Variants in LAMA2 observed in about 807,000 individuals in gnomAD.
LAMA2 encodes laminin subunit alpha 2, also known as laminin subunit alpha-2.
A neutral mutation model predicts 364.8 loss-of-function variants in LAMA2; 269 were observed. That is an observed-to-expected ratio of 0.74 (90% confidence interval 0.67 to 0.82). The LOEUF (loss-of-function observed/expected upper bound fraction) is 0.82. Ranked by LOEUF, LAMA2 falls within the 40% of genes least tolerant of loss-of-function variation. The probability of loss-of-function intolerance (pLI) is 0.00; values close to 1 mark genes in which losing one functional copy is unlikely to be tolerated. For synonymous variants in LAMA2, 1,379 were observed against 1,370.6 expected, an observed-to-expected ratio of 1.01 and a Z score of -0.14; for missense variants, 3,807 against 3,873.2, an observed-to-expected ratio of 0.98 and a Z score of 0.45.
chr6:129,357,373 A>G (rs1777205818), intron 32 of LAMA2, among the ~76,000 whole-genome samples: 1 of 152,074 alleles, frequency 6.6e-6, no homozygotes, highest in Admixed American at 6.6e-5. Context: ...GCAAGATATT[A>G]CTTCATAAAA....
At position 128,929,329 on chromosome 6, in the gene LAMA2, A is replaced by G. The variant is rs1384626877; in HGVS notation, c.112+45972A>G. ...ACAGCTCACTCTCACAGAGCCAAGT[A>G]CACGGCCCAAAGACTGGGGTGAGAC... On this transcript the variant is annotated intron_variant, in intron 1 of 64. Transcript: ENST00000421865. 4 of 1,164,448 alleles carry G rather than the reference A, an allele frequency of 3.4e-6. No individual in the cohort carries two copies. The African/African-American group carries it at 4.6e-5, about 13-fold the overall frequency. The allele number at this position is 1,164,448 out of a possible 1,614,324, so 72.1% of individuals were successfully genotyped here.
chr6:128,926,974 T>C (rs1158591723), intron 1 of LAMA2, among the ~76,000 whole-genome samples: 2 of 152,340 alleles, frequency 1.3e-5, no homozygotes, highest in East Asian at 1.9e-4. Context: ...ACATTCATCC[T>C]CTAAGGTATA....
At chr6:129,223,138 C>A (rs933613919) in intron 12 of LAMA2, among the ~76,000 whole-genome samples, 3 of 152,174 alleles carry the variant, frequency 2.0e-5, no homozygotes, top group Non-Finnish European at 4.4e-5. Context: ...GCATCAGTGT[C>A]TTCTTTTGAG....
chr6:129,214,917 C>A (rs74920059), intron 12 of LAMA2, among the ~76,000 whole-genome samples: 8,948 of 152,166 alleles, frequency 0.059, 307 homozygotes, highest in Non-Finnish European at 0.069. Flanking sequence ...TGGAATACCT[C>A]TCCATTTATT....
At chr6:129,032,842 A>T (rs1317699353) in intron 1 of LAMA2, among the ~76,000 whole-genome samples, 1 of 151,874 alleles carries the variant, frequency 6.6e-6, no homozygotes, top group Non-Finnish European at 1.5e-5. Context: ...ATCAATAACG[A>T]CTCCCGGTTT....
At chr6:129,179,150 C>A (rs1226136186) in intron 10 of LAMA2, among the ~76,000 whole-genome samples, 1 of 151,966 alleles carries the variant, frequency 6.6e-6, no homozygotes, top group Non-Finnish European at 1.5e-5. Context: ...CCTCCCCTCT[C>A]CATCTTGTAT....
chr6:129,287,512 T>C (rs777303635), intron 18 of LAMA2, among the ~76,000 whole-genome samples: 8 of 152,198 alleles, frequency 5.3e-5, no homozygotes, highest in Non-Finnish European at 1.0e-4. Flanking sequence ...AGACATATGA[T>C]GTGTTGTACT....
chr6:129,106,545 G>A (rs561104185), intron 4 of LAMA2, among the ~76,000 whole-genome samples: 1 of 151,872 alleles, frequency 6.6e-6, no homozygotes, highest in Non-Finnish European at 1.5e-5. Flanking sequence ...GGGGTTTCAG[G>A]CTTCCTTTCT....
At chr6:129,227,117 T>A (rs182517508) in intron 12 of LAMA2, among the ~76,000 whole-genome samples, 140 of 152,342 alleles carry the variant, frequency 9.2e-4, no homozygotes, top group Admixed American at 1.6e-3. Context: ...TTCCAGTTGA[T>A]CGAATCAGCT....
At chr6:128,917,031 C>T (rs1457809518) in intron 1 of LAMA2, among the ~76,000 whole-genome samples, 2 of 151,804 alleles carry the variant, frequency 1.3e-5, no homozygotes, top group Non-Finnish European at 2.9e-5. Context: ...TCCACCATAT[C>T]TACCTTGATC....
intron 14 of LAMA2, among the ~76,000 whole-genome samples, chr6:129,259,766 T>G (rs1786992241): frequency 6.6e-6 from 1 of 152,070 alleles, no homozygotes; most frequent in Non-Finnish European, 1.5e-5. Flanking sequence ...ATTATCTCCA[T>G]TGTATAGAAG....
chr6:129,028,589 A>G (rs1373593156), intron 1 of LAMA2, among the ~76,000 whole-genome samples: 1 of 151,878 alleles, frequency 6.6e-6, no homozygotes, highest in Non-Finnish European at 1.5e-5. Context: ...GCAAATATAT[A>G]GAATTCTAAA....
At position 129,252,186 on chromosome 6, in the gene LAMA2, C is replaced by T; in HGVS notation, c.1987C>T (p.His663Tyr). Residue 663 changes from histidine to tyrosine, a missense_variant, in exon 14 of 65, where the codon CAT (histidine) becomes TAT (tyrosine). By Grantham distance (83) the His-to-Tyr change is moderately conservative. Around this residue, in one of 3 missense-constraint regions of LAMA2, gnomAD observed 3,333 missense variants for 3,345.7 expected, o/e 1.00. Coordinates refer to ENST00000421865, the MANE Select transcript of LAMA2 (RefSeq NM_000426.4). ...ACTTAAAGAAGAATCATTTACCATACATGGCACACATTTTCCAGTCCGTAG... is the reference window on the plus strand; with the variant it reads ...ACTTAAAGAAGAATCATTTACCATATATGGCACACATTTTCCAGTCCGTAG... The part of the protein sequence containing the change: ...LLLKEESFTI[H>Y]GTHFPVRRKE... The T allele has an allele frequency of 1.2e-6, 2 of 1,613,378 alleles. No homozygotes were observed. The highest frequency in any genetic ancestry group is 1.7e-6 in the Non-Finnish European group (2 of 1,179,354).
At position 129,479,109 on chromosome 6, in the gene LAMA2, TC is replaced by T. The variant is rs1428126268; in HGVS notation, c.7572+298del. On this transcript the variant is annotated intron_variant, in intron 54 of 64. Coordinates refer to ENST00000421865, the MANE Select transcript of LAMA2 (RefSeq NM_000426.4). ...TTTTTCCAACACTACTTTTCCCTTT[TC>T]CTTATTTTTGTCATCCATTTTAAAT... Among the ~76,000 whole-genome samples, 4 of 152,194 alleles carry T rather than the reference TC, an allele frequency of 2.6e-5. No individual in the cohort carries two copies. The South Asian group carries it at 8.3e-4, about 31-fold the overall frequency.
intron 62 of LAMA2, among the ~76,000 whole-genome samples, chr6:129,510,662 A>C (rs988751691): frequency 6.6e-6 from 1 of 152,110 alleles, no homozygotes; most frequent in African/African-American, 2.4e-5. Context: ...AAAAAAGCAC[A>C]GTTCTGTAGA....
intron 45 of LAMA2, among the ~76,000 whole-genome samples, chr6:129,448,955 A>G (rs916222129): frequency 3.9e-5 from 6 of 152,212 alleles, no homozygotes; most frequent in Non-Finnish European, 7.3e-5. Context: ...GAGATATAGT[A>G]TTTTGATTTA....
chr6:128,959,531 G>A (rs1207231522), intron 1 of LAMA2, among the ~76,000 whole-genome samples: 2 of 152,096 alleles, frequency 1.3e-5, no homozygotes, highest in Admixed American at 6.5e-5. Flanking sequence ...CTTGAGGACT[G>A]AAGTGTGTTT....
At chr6:129,386,507 A>C (rs920701421) in intron 35 of LAMA2, among the ~76,000 whole-genome samples, 1 of 152,122 alleles carries the variant, frequency 6.6e-6, no homozygotes, top group African/African-American at 2.4e-5. Flanking sequence ...GAAATGGAAA[A>C]TGACAGCATT....
At chr6:129,122,560 C>T (rs183779074) in intron 4 of LAMA2, among the ~76,000 whole-genome samples, 1 of 152,256 alleles carries the variant, frequency 6.6e-6, no homozygotes, top group Admixed American at 6.5e-5. Context: ...TGAAGTTTAC[C>T]ATCTGATTTT....
Sources: allele counts gnomAD v4.1 joint callset (sites outside exome capture counted in the v4.1 genomes callset), GRCh38; gene constraint gnomAD v4.1.1; regional missense constraint gnomAD v4.1.1; transcripts MANE v1.5; gene names NCBI Gene and HGNC (gene_info 2026-07-23, HGNC 2026-07-21).